The following KCNN3 variants were observed in gnomAD, a reference collection of about 807,000 sequenced individuals.
The protein encoded by KCNN3 is small conductance calcium-activated potassium channel protein 3.
Under a neutral mutation model 62.9 loss-of-function variants are expected in KCNN3, and 16 were observed. That is an observed-to-expected ratio of 0.25 (90% confidence interval 0.17 to 0.39). The LOEUF (loss-of-function observed/expected upper bound fraction) is 0.39. Among genes scored for constraint, KCNN3 ranks in the 10% least tolerant of loss-of-function variants. The pLI is 1.00. For missense variants in KCNN3, 599 were observed against 949.4 expected (o/e 0.63, Z 4.85); for synonymous variants, 370 against 389.2 (o/e 0.95, Z 0.58).
chr1:154,752,198 G>A (rs73005497), intron 3 of KCNN3, among the ~76,000 whole-genome samples: 2,255 of 152,234 alleles, frequency 0.015, 56 homozygotes, highest in African/African-American at 0.052. Context: ...ACTCTGGTCT[G>A]CTTTTATCCA....
chr1:154,816,383 A>T (rs1332596291), intron 2 of KCNN3, among the ~76,000 whole-genome samples: 1 of 152,222 alleles, frequency 6.6e-6, no homozygotes, highest in Non-Finnish European at 1.5e-5. Flanking sequence ...CTGGGACTGG[A>T]TTATATGAAC....
At chr1:154,732,952 A>G (rs1370215141) in intron 4 of KCNN3, 51 bp downstream of exon 4, 3 of 1,609,470 alleles carry the variant, frequency 1.9e-6, no homozygotes, top group African/African-American at 2.7e-5. Context: ...GAAAGAGTTC[A>G]GCTCTTTGCC....
At chr1:154,775,020 C>T (rs945534614) in intron 2 of KCNN3, among the ~76,000 whole-genome samples, 6 of 152,208 alleles carry the variant, frequency 3.9e-5, no homozygotes, top group African/African-American at 1.2e-4. Flanking sequence ...CGTGGATTTG[C>T]GGGGGCTGGC....
At chr1:154,831,286 CA>C (rs1167409255) in intron 1 of KCNN3, among the ~76,000 whole-genome samples, 2 of 152,144 alleles carry the variant, frequency 1.3e-5, no homozygotes. Context: ...CTTTGGGCTC[CA>C]TACAAAGGCA....
chr1:154,746,925 C>T (rs1700950583), intron 3 of KCNN3, among the ~76,000 whole-genome samples: 2 of 152,128 alleles, frequency 1.3e-5, no homozygotes, highest in Admixed American at 1.3e-4. Flanking sequence ...GTGCATGGGT[C>T]CCCCCAACGT....
At chr1:154,778,002 T>G (rs1484764899) in intron 2 of KCNN3, among the ~76,000 whole-genome samples, 2 of 152,200 alleles carry the variant, frequency 1.3e-5, no homozygotes, top group Non-Finnish European at 2.9e-5. Context: ...AAAAAGTGAT[T>G]TCACTCATTG....
chr1:154,780,871 G>A (rs1649013437), intron 2 of KCNN3, among the ~76,000 whole-genome samples: 1 of 152,128 alleles, frequency 6.6e-6, no homozygotes, highest in South Asian at 2.1e-4. Context: ...AAAAATGGTG[G>A]CTCTAAAAGA....
At chr1:154,804,309 G>A (rs1462550679) in intron 2 of KCNN3, among the ~76,000 whole-genome samples, 1 of 152,266 alleles carries the variant, frequency 6.6e-6, no homozygotes, top group African/African-American at 2.4e-5. Flanking sequence ...TTAACAGGGT[G>A]TTACAGCCCA....
intron 5 of KCNN3, among the ~76,000 whole-genome samples, chr1:154,723,309 A>G (rs947845505): frequency 6.6e-6 from 1 of 152,228 alleles, no homozygotes; most frequent in African/African-American, 2.4e-5. Flanking sequence ...TCCTTGAGAA[A>G]AGATATTAGA....
At chr1:154,833,113 A>G (rs1651439783) in intron 1 of KCNN3, among the ~76,000 whole-genome samples, 1 of 151,880 alleles carries the variant, frequency 6.6e-6, no homozygotes, top group Admixed American at 6.6e-5. Flanking sequence ...CTCTGTCTGC[A>G]CCAGAAGCTG....
At chr1:154,853,535 A>G (rs1289063809) in intron 1 of KCNN3, among the ~76,000 whole-genome samples, 1 of 151,504 alleles carries the variant, frequency 6.6e-6, no homozygotes, top group East Asian at 2.0e-4. Flanking sequence ...GTCTCACTAT[A>G]TGGCCTAGGC....
chr1:154,708,959 A>G (rs373820692), intron 7 of KCNN3, among the ~76,000 whole-genome samples: 5 of 152,164 alleles, frequency 3.3e-5, no homozygotes, highest in African/African-American at 1.2e-4. Context: ...GACATCCCTG[A>G]AGGGCCACTC....
At chr1:154,863,344 C>T (rs541956960) in intron 1 of KCNN3, among the ~76,000 whole-genome samples, 1 of 152,294 alleles carries the variant, frequency 6.6e-6, no homozygotes, top group East Asian at 1.9e-4. Flanking sequence ...CTCAGAATTC[C>T]CCACCCTCAT....
At chr1:154,821,976 A>C (rs1236257713) in intron 2 of KCNN3, 113 bp downstream of exon 2, 2 of 800,808 alleles carry the variant, frequency 2.5e-6, no homozygotes, top group Admixed American at 4.0e-5. Flanking sequence ...CCGTCTTGTA[A>C]AATCACCCAA....
intron 7 of KCNN3, among the ~76,000 whole-genome samples, chr1:154,709,854 C>T (rs1700039440): frequency 6.6e-6 from 1 of 152,232 alleles, no homozygotes; most frequent in East Asian, 1.9e-4. Context: ...CCCTGATGAG[C>T]TCTGGACTCA....
intron 5 of KCNN3, among the ~76,000 whole-genome samples, chr1:154,720,152 T>A (rs1700317366): frequency 6.6e-6 from 1 of 152,216 alleles, no homozygotes. Context: ...TGCCTGATGG[T>A]CTGAGAGCAA....
chr1:154,841,217 T>A (rs1651814917), intron 1 of KCNN3, among the ~76,000 whole-genome samples: 1 of 152,186 alleles, frequency 6.6e-6, no homozygotes, highest in Admixed American at 6.5e-5. Context: ...TCCCACAGAC[T>A]CCACATTAAA....
At chr1:154,764,648 C>T (rs917617245) in intron 3 of KCNN3, among the ~76,000 whole-genome samples, 3 of 152,060 alleles carry the variant, frequency 2.0e-5, no homozygotes, top group Non-Finnish European at 4.4e-5. Flanking sequence ...TTTACTAATC[C>T]CTTCTAGCCT....
At chr1:154,710,248 A>G (rs1416697790) in intron 7 of KCNN3, among the ~76,000 whole-genome samples, 1 of 152,194 alleles carries the variant, frequency 6.6e-6, no homozygotes, top group African/African-American at 2.4e-5. Flanking sequence ...GGGAGGCTAC[A>G]GCACAAAGAC....
Sources: allele counts gnomAD v4.1 joint callset (sites outside exome capture counted in the v4.1 genomes callset), GRCh38; gene constraint gnomAD v4.1.1; transcripts MANE v1.5; gene names NCBI Gene and HGNC (gene_info 2026-07-23, HGNC 2026-07-21).